Variants in FBXO25 observed in about 807,000 individuals in gnomAD.
FBXO25 encodes F-box protein 25, also known as F-box only protein 25.
Under a neutral mutation model 51.9 loss-of-function variants are expected in FBXO25, and 45 were observed. The observed-to-expected ratio is 0.87, with a 90% CI of 0.68 to 1.11. The LOEUF is 1.11. Among genes scored for constraint, FBXO25 ranks in the 50% most tolerant of loss-of-function variants. FBXO25 has a pLI of 0.00. For synonymous variants in FBXO25, 199 were observed against 151.0 expected (o/e 1.32, Z -2.33); for missense variants, 507 against 428.5 (o/e 1.18, Z -1.62).
intron 1 of FBXO25, among the ~76,000 whole-genome samples, chr8:411,102 C>A (rs1393846429): frequency 5.9e-5 from 9 of 152,036 alleles, no homozygotes; most frequent in Non-Finnish European, 1.2e-4. Context: ...TGTAAATATT[C>A]TACATTTTTC....
In FBXO25 at chr8:470,474, CCCTCCAGTGATCCTCCCACCTCAG is replaced by C. The variant is rs1800444564; in HGVS notation, c.*1676_*1699del. ...AGGCTCAAGTGATCCTCCCACCTCA[CCCTCCAGTGATCCTCCCACCTCAG>C]CCTCCCAAGCAGTCAGGACCACAGG... On this transcript the variant is annotated 3_prime_UTR_variant, in exon 10 of 10. Transcript: ENST00000350302. 1 of 121,838 alleles carries C rather than the reference CCCTCCAGTGATCCTCCCACCTCAG, an allele frequency of 8.2e-6. No homozygotes were observed. The highest frequency in any genetic ancestry group is 3.1e-4 in the South Asian group (1 of 3,226). The allele number at this position is 121,838 out of a possible 1,614,324, so 7.5% of individuals were successfully genotyped here.
At chr8:461,701 G>A (rs558171130) in intron 8 of FBXO25, among the ~76,000 whole-genome samples, 1 of 152,044 alleles carries the variant, frequency 6.6e-6, no homozygotes, top group Admixed American at 6.5e-5. Flanking sequence ...ACCCCTAATC[G>A]ACTTTCTGTC....
rs1326128594 is a variant in FBXO25 at position 474,963 on chromosome 8, C to G, written c.*6159C>G. ...GGATTGCCTTTCACTCTGTTTTGTT[C>G]TTTGATGTACAGAAGTTGTTTCTTT... On this transcript the variant is annotated 3_prime_UTR_variant, in exon 10 of 10. Coordinates refer to ENST00000350302, the MANE Select transcript of FBXO25 (RefSeq NM_183420.2). 2.4e-6 allele frequency: 1 copy of G among 409,072 alleles called. No homozygotes were observed. Among genetic ancestry groups the G allele is most frequent in the East Asian group, 7.0e-5 (1 of 14,222 alleles). The allele number at this position is 409,072 out of a possible 1,614,324, so 25.3% of individuals were successfully genotyped here.
chr8:452,169 A>C (rs1229229072), intron 7 of FBXO25, among the ~76,000 whole-genome samples: 1 of 152,224 alleles, frequency 6.6e-6, no homozygotes, highest in Non-Finnish European at 1.5e-5. Flanking sequence ...ATGGTTTTCA[A>C]GTGCCCTTTG....
At chr8:458,678 C>T (rs1322279287) in intron 8 of FBXO25, 127 bp downstream of exon 8, 2 of 874,662 alleles carry the variant, frequency 2.3e-6, no homozygotes, top group Non-Finnish European at 3.5e-6. Flanking sequence ...GAACCAGGAA[C>T]AATCAGAGTT....
intron 7 of FBXO25, among the ~76,000 whole-genome samples, chr8:453,709 G>C (rs1462502587): frequency 2.0e-5 from 3 of 152,178 alleles, no homozygotes; most frequent in Non-Finnish European, 4.4e-5. Context: ...GGATCCCTGA[G>C]AGTGGAAGTC....
At chr8:408,931 GTT>G (rs796628250) in intron 1 of FBXO25, among the ~76,000 whole-genome samples, 13 of 152,220 alleles carry the variant, frequency 8.5e-5, no homozygotes, top group African/African-American at 3.1e-4. Context: ...GTAATTTCTA[GTT>G]TTTTTGTGTT....
chr8:440,539 C>G (rs1209892148), intron 5 of FBXO25, among the ~76,000 whole-genome samples: 1 of 151,982 alleles, frequency 6.6e-6, no homozygotes, highest in Non-Finnish European at 1.5e-5. Context: ...TTTGATTTTC[C>G]TCTGATGTAA....
At position 431,366 on chromosome 8, in the gene FBXO25, A is replaced by G. The variant is rs143092402; in HGVS notation, c.160A>G (p.Ile54Val). The change falls in exon 3 of 10, where the codon ATA becomes GTA. Residue 54 changes from isoleucine to valine, a missense_variant. Physicochemically the swap from Ile to Val is conservative, Grantham distance 29. Coordinates refer to ENST00000350302, the MANE Select transcript of FBXO25 (RefSeq NM_183420.2). ...TATCTTAAATAGTGAAGATGGAGAA[A>G]TATTCAATAATGAAGAGCATGAATA... ...SIILNSEDGE[I>V]FNNEEHEYAS... 6.5e-7 allele frequency: 1 copy of G among 1,533,278 alleles called. No homozygotes were observed. Among genetic ancestry groups the G allele is most frequent in the Non-Finnish European group, 8.8e-7 (1 of 1,134,982 alleles). 95.0% of individuals were successfully genotyped at this position (1,533,278 alleles called of 1,614,324 possible).
chr8:439,134 C>A (rs749371097), intron 5 of FBXO25, among the ~76,000 whole-genome samples: 1 of 152,218 alleles, frequency 6.6e-6, no homozygotes, highest in African/African-American at 2.4e-5. Context: ...GGAAGTAGAA[C>A]TGGGTCCTGA....
chr8:418,520 A>G (rs1230205895), intron 2 of FBXO25, among the ~76,000 whole-genome samples: 1 of 151,584 alleles, frequency 6.6e-6, no homozygotes, highest in East Asian at 1.9e-4. Flanking sequence ...TTGTATTTTT[A>G]GTAGAAACAG....
Position 472,554 on chromosome 8 carries a change from G to A in FBXO25, c.*3750G>A, listed in dbSNP as rs1800516668. ...ACCACCTTGTGATCTCTTGGGTTTT[G>A]GTGTCCATCTCATAGGATAAGCTTA... On this transcript the variant is annotated 3_prime_UTR_variant, in exon 10 of 10. Coordinates refer to ENST00000350302, the MANE Select transcript of FBXO25 (RefSeq NM_183420.2). 1 of 115,032 alleles carries A rather than the reference G, an allele frequency of 8.7e-6. No individual in the cohort carries two copies. Among genetic ancestry groups the A allele is most frequent in the South Asian group, 3.1e-4 (1 of 3,238 alleles). 7.1% of individuals were successfully genotyped at this position (115,032 alleles called of 1,614,324 possible). A position where few individuals can be genotyped will look rare whatever the true frequency, so the allele number is the denominator to read the frequency against.
Position 435,647 on chromosome 8 carries a change from T to C in FBXO25, c.321T>C (p.Phe107=). 1 of 1,606,624 alleles carries C rather than the reference T, an allele frequency of 6.2e-7. No homozygotes were observed. Among genetic ancestry groups the C allele is most frequent in the Non-Finnish European group, 8.5e-7 (1 of 1,178,746 alleles). The change falls in exon 5 of 10, where the codon TTT becomes TTC. Residue 107 remains phenylalanine (F), a synonymous_variant. Coordinates refer to ENST00000350302, the MANE Select transcript of FBXO25 (RefSeq NM_183420.2). Reference sequence around the variant, plus strand: ...GCTATTGCACCTTGGGAGAAGCCTTTAATCGGTTAGACTTCTCAAGTGCAA... The same window carrying C: ...GCTATTGCACCTTGGGAGAAGCCTTCAATCGGTTAGACTTCTCAAGTGCAA... ...RHGYCTLGEA[F]NRLDFSSAIQ... is the part of the protein sequence containing the mutation.
At chr8:427,163 GACA>G (rs1291805468) in intron 2 of FBXO25, among the ~76,000 whole-genome samples, 1 of 151,968 alleles carries the variant, frequency 6.6e-6, no homozygotes, top group Non-Finnish European at 1.5e-5. Flanking sequence ...TGTGACTTAA[GACA>G]ACAACTGGGG....
rs1047686106 is a variant in FBXO25, at chr8:472,044, A to G, written c.*3240A>G. Reference sequence around the variant, plus strand: ...ATAGACAGTTTCACTTCTTCCTCTCAGTCTAGATGTCCTTTATTCTTTCTT... The same window carrying G: ...ATAGACAGTTTCACTTCTTCCTCTCGGTCTAGATGTCCTTTATTCTTTCTT... On this transcript the variant is annotated 3_prime_UTR_variant, in exon 10 of 10. Transcript: ENST00000350302. 1.9e-4 allele frequency: 29 copies of G among 152,172 alleles called. No homozygotes were observed. The highest frequency in any genetic ancestry group is 6.8e-4 in the African/African-American group (28 of 41,428). 9.4% of individuals were successfully genotyped at this position (152,172 alleles called of 1,614,324 possible).
chr8:441,873 G>A (rs1798445372), intron 5 of FBXO25, among the ~76,000 whole-genome samples: 1 of 152,222 alleles, frequency 6.6e-6, no homozygotes, highest in African/African-American at 2.4e-5. Context: ...ATGCTGGAGA[G>A]GACGTGGAGA....
At chr8:416,377 T>C (rs1034834007) in intron 2 of FBXO25, among the ~76,000 whole-genome samples, 1 of 152,256 alleles carries the variant, frequency 6.6e-6, no homozygotes, top group African/African-American at 2.4e-5. Flanking sequence ...TAGGTTGATT[T>C]AAAATTTTCA....
chr8:475,369 G>C lies in FBXO25; in HGVS notation c.*6565G>C, dbSNP rs7837120. On this transcript the variant is annotated 3_prime_UTR_variant, in exon 10 of 10. Coordinates refer to ENST00000350302, the MANE Select transcript of FBXO25 (RefSeq NM_183420.2). ...GCTTTGTCGTAAGTTATGAAATAAG[G>C]AAGTGAGAGACCTCCTACTTGGTTC... The C allele has an allele frequency of 6.4e-6, 1 of 156,704 alleles. No homozygotes were observed. The highest frequency in any genetic ancestry group is 2.4e-5 in the African/African-American group (1 of 41,382). 9.7% of individuals were successfully genotyped at this position (156,704 alleles called of 1,614,324 possible).
intron 2 of FBXO25, among the ~76,000 whole-genome samples, chr8:414,338 T>C (rs545047521): frequency 1.3e-5 from 2 of 152,358 alleles, no homozygotes; most frequent in South Asian, 4.1e-4. Flanking sequence ...TTATAATTTT[T>C]ATGGCAGTTT....
Sources: allele counts gnomAD v4.1 joint callset (sites outside exome capture counted in the v4.1 genomes callset), GRCh38; gene constraint gnomAD v4.1.1; transcripts MANE v1.5; gene names NCBI Gene and HGNC (gene_info 2026-07-23, HGNC 2026-07-21).